LTBP2: variants seen among roughly 807,000 people sequenced by gnomAD.
LTBP2 encodes latent-transforming growth factor beta-binding protein 2.
Under a neutral mutation model 210.6 loss-of-function variants are expected in LTBP2, and 103 were observed. The observed-to-expected ratio is 0.49, with a 90% CI of 0.42 to 0.58. The LOEUF (loss-of-function observed/expected upper bound fraction) is 0.58, where lower values mean the gene tolerates loss of function less well. Ranked by LOEUF, LTBP2 falls within the 20% of genes least tolerant of loss-of-function variation. The probability of loss-of-function intolerance (pLI) is 0.00; values close to 1 mark genes in which losing one functional copy is unlikely to be tolerated. For missense variants in LTBP2, 2,313 were observed against 2,494.5 expected (o/e 0.93, Z 1.55); for synonymous variants, 1,007 against 1,015.0 (o/e 0.99, Z 0.15).
At chr14:74,587,300 C>A (rs887332698) in intron 2 of LTBP2, among the ~76,000 whole-genome samples, 23 of 152,004 alleles carry the variant, frequency 1.5e-4, no homozygotes, top group Admixed American at 1.2e-3. Flanking sequence ...GGGACAAAGT[C>A]CTTGTCCATC....
chr14:74,505,547 T>C lies in LTBP2; in HGVS notation c.4178-373A>G, dbSNP rs529348971. 1.4e-4 allele frequency among the ~76,000 whole-genome samples: 22 copies of C among 152,266 alleles called. 1 individual carries two copies. In the South Asian group the frequency reaches 4.6e-3, roughly 32 times the overall value. On this transcript the variant is annotated intron_variant, in intron 28 of 35. Transcript: ENST00000261978. The stretch of plus-strand genomic sequence containing the variant: ...TGGGCAGCCCTCTGGTCCATTCTGC[T>C]TCACATGTACCCCAGCCCCTCCCAC...
At chr14:74,572,010 A>C (rs949279864) in intron 3 of LTBP2, among the ~76,000 whole-genome samples, 1 of 151,720 alleles carries the variant, frequency 6.6e-6, no homozygotes, top group Non-Finnish European at 1.5e-5. Flanking sequence ...CACTTCCACC[A>C]TGAATCACAG....
At chr14:74,575,811 T>C (rs1388221612) in intron 3 of LTBP2, among the ~76,000 whole-genome samples, 2 of 152,192 alleles carry the variant, frequency 1.3e-5, no homozygotes, top group African/African-American at 4.8e-5. Flanking sequence ...TCAAAAAGCA[T>C]GAGCAGGGCT....
At chr14:74,607,799 T>C (rs2088546996) in intron 1 of LTBP2, among the ~76,000 whole-genome samples, 1 of 152,184 alleles carries the variant, frequency 6.6e-6, no homozygotes, top group Admixed American at 6.5e-5. Flanking sequence ...TTAATTAAAT[T>C]CAGGGTAGTG....
At chr14:74,569,303 A>G (rs1205405285) in intron 3 of LTBP2, among the ~76,000 whole-genome samples, 2 of 152,184 alleles carry the variant, frequency 1.3e-5, no homozygotes, top group Non-Finnish European at 2.9e-5. Context: ...GCCTGAATGA[A>G]TGGAAGAATG....
rs757609647 is a variant in LTBP2 at position 74,502,980 on chromosome 14, A to G, written c.4889-46T>C. 2.5e-6 allele frequency: 4 copies of G among 1,603,308 alleles called. No homozygotes were observed. In the African/African-American group the frequency reaches 4.0e-5, roughly 16 times the overall value. ...AAGGAGCTGGGTTCTAGCTCCTGCC[A>G]GCTAAAGCCTGGCTGGCTTTGTCTC... On this transcript the variant is annotated intron_variant, in intron 33 of 35. Transcript: ENST00000261978.
intron 3 of LTBP2, among the ~76,000 whole-genome samples, chr14:74,573,367 C>T (rs1206907829): frequency 6.6e-6 from 1 of 152,228 alleles, no homozygotes; most frequent in East Asian, 1.9e-4. Context: ...CCTCTCCATC[C>T]CACTCTGAGT....
intron 2 of LTBP2, among the ~76,000 whole-genome samples, chr14:74,594,120 A>G (rs539151544): frequency 9.9e-5 from 15 of 152,132 alleles, no homozygotes; most frequent in Non-Finnish European, 2.1e-4. Context: ...CCAGGGATCA[A>G]GCCCTGGTTA....
At chr14:74,509,496 G>A in intron 21 of LTBP2, 133 bp from the exon 22 acceptor site, 2 of 1,346,250 alleles carry the variant, frequency 1.5e-6, no homozygotes, top group East Asian at 2.4e-5. Context: ...ACGCTCCCAG[G>A]ACAGCCCTGC....
At position 74,501,606 on chromosome 14, in the gene LTBP2, C is replaced by A. The variant is rs370987753; in HGVS notation, c.5171-16G>T. 6.2e-6 allele frequency: 10 copies of A among 1,613,640 alleles called. No homozygotes were observed. The African/African-American group carries it at 1.2e-4, about 19-fold the overall frequency. Reference sequence around the variant, plus strand: ...GCTGGGGGCTCTGGGAGGAGGAAATCGGAGAGAGGAGGAGGCTGAGGGCTG... The same window carrying A: ...GCTGGGGGCTCTGGGAGGAGGAAATAGGAGAGAGGAGGAGGCTGAGGGCTG... On this transcript the variant is annotated splice_polypyrimidine_tract_variant and intron_variant, in intron 34 of 35. Transcript: ENST00000261978.
Position 74,515,275 on chromosome 14 carries a change from G to A in LTBP2, c.2908+1547C>T, listed in dbSNP as rs754324768. On this transcript the variant is annotated intron_variant, in intron 18 of 35. Transcript: ENST00000261978. ...TGATTTTTTTTTTTTTTTTTTTTTT[G>A]AGACAGAGTCTCACTCTATTGCCCA... 2.8e-3 allele frequency among the ~76,000 whole-genome samples: 184 copies of A among 65,826 alleles called. 3 individuals are homozygous for A. The South Asian group carries it at 0.035, about 12-fold the overall frequency. 43.2% of individuals were successfully genotyped at this position (65,826 alleles called of 152,430 possible). A position where few individuals can be genotyped will look rare whatever the true frequency, so the allele number is the denominator to read the frequency against.
At chr14:74,611,348 C>T (rs2088604574) in intron 1 of LTBP2, 103 bp downstream of exon 1, 11 of 1,282,900 alleles carry the variant, frequency 8.6e-6, no homozygotes, top group Non-Finnish European at 1.1e-5. Flanking sequence ...GACAGAGGGA[C>T]GAGGGTATGA....
intron 8 of LTBP2, among the ~76,000 whole-genome samples, chr14:74,541,236 C>T (rs1363263904): frequency 2.0e-5 from 3 of 152,030 alleles, no homozygotes; most frequent in Non-Finnish European, 2.9e-5. Flanking sequence ...GCATAAGCTA[C>T]GTGAGGACAA....
At chr14:74,536,751 C>T (rs2087426853) in intron 8 of LTBP2, among the ~76,000 whole-genome samples, 1 of 152,210 alleles carries the variant, frequency 6.6e-6, no homozygotes, top group African/African-American at 2.4e-5. Flanking sequence ...GAGGCTGAGG[C>T]AGGAGACTCG....
chr14:74,537,322 TCTTTTGTGGAACAAAA>T (rs2087434346), intron 8 of LTBP2, among the ~76,000 whole-genome samples: 2 of 152,234 alleles, frequency 1.3e-5, no homozygotes, highest in African/African-American at 4.8e-5. Flanking sequence ...GGGAATACTA[TCTTTTGTGGAACAAAA>T]AGAGAACTCA....
intron 35 of LTBP2, 44 bp downstream of exon 35, chr14:74,501,397 G>T: frequency 6.2e-7 from 1 of 1,613,650 alleles, no homozygotes; most frequent in Non-Finnish European, 8.5e-7. Flanking sequence ...CGTCTCTGTG[G>T]GCAGTGGGCC....
In LTBP2 at chr14:74,503,539, G is replaced by A; in HGVS notation, c.4650C>T (p.His1550=). The A allele has an allele frequency of 1.9e-6, 3 of 1,613,850 alleles. No homozygotes were observed. The highest frequency in any genetic ancestry group is 2.5e-6 in the Non-Finnish European group (3 of 1,179,976). The change falls in exon 32 of 36, where the codon CAC becomes CAT. Residue 1550 remains histidine, a synonymous_variant. Coordinates refer to ENST00000261978, the MANE Select transcript of LTBP2 (RefSeq NM_000428.3). ...GGGTGAGCGGGGGGCTGCAGAAGCAGTGGAAGGAGCCCTCCGTGTTGACGC... is the reference window on the plus strand; with the variant it reads ...GGGTGAGCGGGGGGCTGCAGAAGCAATGGAAGGAGCCCTCCGTGTTGACGC... ...GECVNTEGSF[H]CFCSPPLTLD... is the part of the protein sequence containing the mutation.
intron 22 of LTBP2, 116 bp from the exon 23 acceptor site, chr14:74,509,068 G>A: frequency 6.4e-7 from 1 of 1,569,260 alleles, no homozygotes; most frequent in Non-Finnish European, 8.7e-7. Flanking sequence ...ACCCACGGGG[G>A]ATCATCCCCT....
rs1157836772 is a variant in LTBP2 at position 74,528,484 on chromosome 14, C to G, written c.2367G>C (p.Lys789Asn). ...TWLEAGTIPD[K>N]GDSQAGQVTT... ...AGGCATCTCCCCCAGCTCAGATACC[C>G]TTGTCAGGGATGGTCCCGGCCTCAA... Residue 789 changes from lysine to asparagine, a missense_variant and splice_region_variant, in exon 12 of 36, where the codon AAG (lysine) becomes AAC (asparagine). Physicochemically the swap from Lys to Asn is moderately conservative, Grantham distance 94 (BLOSUM62 0). Transcript: ENST00000261978. 6.2e-7 allele frequency: 1 copy of G among 1,611,868 alleles called. No individual in the cohort carries two copies.
Sources: allele counts gnomAD v4.1 joint callset (sites outside exome capture counted in the v4.1 genomes callset), GRCh38; gene constraint gnomAD v4.1.1; transcripts MANE v1.5; gene names NCBI Gene and HGNC (gene_info 2026-07-23, HGNC 2026-07-21).